RALYL: variants seen among roughly 807,000 people sequenced by gnomAD.
The protein encoded by RALYL is RNA-binding Raly-like protein.
RALYL carries 29 observed loss-of-function variants against 35.1 expected under a neutral mutation model. That is an observed-to-expected ratio of 0.83 (90% CI 0.61 to 1.13). RALYL has a LOEUF of 1.13. Ranked by LOEUF, RALYL falls within the 50% of genes most tolerant of loss-of-function variation. RALYL has a pLI of 0.00. For missense variants in RALYL, 359 were observed against 360.4 expected (o/e 1.00, Z 0.03); for synonymous variants, 120 against 127.6 (o/e 0.94, Z 0.40).
intron 1 of RALYL, among the ~76,000 whole-genome samples, chr8:84,448,495 C>G (rs2049090386): frequency 1.3e-5 from 2 of 151,950 alleles, no homozygotes; most frequent in Admixed American, 1.3e-4. Context: ...TATAGTGCAC[C>G]ACTTATGAAG....
rs143309933 is a variant in RALYL, at chr8:84,654,270, CATATATATATATATATATATATAT to C, written c.257-120288_257-120265del. On this transcript the variant is annotated intron_variant, in intron 2 of 8. Transcript: ENST00000521268. ...CAACGTATATGTATATCTCATGTTC[CATATATATATATATATATATATAT>C]ATATATATATATATATATATCATGT... Among the ~76,000 whole-genome samples the C allele has an allele frequency of 9.7e-4, 43 of 44,532 alleles. No homozygotes were observed. In the East Asian group the frequency reaches 0.015, roughly 16 times the overall value. The allele number at this position is 44,532 out of a possible 152,430, so 29.2% of individuals were successfully genotyped here.
At chr8:84,360,433 G>A (rs1263817386) in intron 1 of RALYL, among the ~76,000 whole-genome samples, 3 of 152,160 alleles carry the variant, frequency 2.0e-5, no homozygotes, top group Admixed American at 1.3e-4. Flanking sequence ...ACATTGAAGT[G>A]TTTAAGAACT....
intron 1 of RALYL, among the ~76,000 whole-genome samples, chr8:84,346,477 C>T (rs918870238): frequency 2.0e-5 from 3 of 151,964 alleles, no homozygotes; most frequent in East Asian, 3.9e-4. Context: ...GTTTCTAATG[C>T]TCTTTTTTTG....
chr8:84,888,015 T>A (rs1031070906), intron 8 of RALYL, among the ~76,000 whole-genome samples: 1 of 152,246 alleles, frequency 6.6e-6, no homozygotes, highest in African/African-American at 2.4e-5. Flanking sequence ...AGATTAGGTA[T>A]ATTTAAAGTC....
At chr8:84,458,822 CATT>C (rs1299177065) in intron 1 of RALYL, among the ~76,000 whole-genome samples, 1 of 151,460 alleles carries the variant, frequency 6.6e-6, no homozygotes, top group African/African-American at 2.4e-5. Context: ...AAATTATAAA[CATT>C]AGTATTGATA....
At chr8:84,608,710 T>G (rs1817676589) in intron 2 of RALYL, among the ~76,000 whole-genome samples, 1 of 152,184 alleles carries the variant, frequency 6.6e-6, no homozygotes, top group Non-Finnish European at 1.5e-5. Context: ...ACAGAGTTTC[T>G]GAATTCTAGC....
intron 2 of RALYL, among the ~76,000 whole-genome samples, chr8:84,690,198 TA>T (rs570184000): frequency 6.6e-6 from 1 of 152,218 alleles, no homozygotes; most frequent in African/African-American, 2.4e-5. Flanking sequence ...TATTGAGCCT[TA>T]AAAAATGGAG....
At chr8:84,722,021 C>T (rs143073752) in intron 2 of RALYL, among the ~76,000 whole-genome samples, 10 of 152,062 alleles carry the variant, frequency 6.6e-5, no homozygotes, top group Admixed American at 3.3e-4. Flanking sequence ...TGTTTCAATA[C>T]GTGGATGTAC....
chr8:84,739,976 G>A (rs903608331), intron 2 of RALYL, among the ~76,000 whole-genome samples: 1 of 151,818 alleles, frequency 6.6e-6, no homozygotes, highest in Non-Finnish European at 1.5e-5. Context: ...GGTGGCTTTA[G>A]CAATAACAAA....
intron 2 of RALYL, among the ~76,000 whole-genome samples, chr8:84,671,550 A>G (rs1192315167): frequency 6.6e-6 from 1 of 152,166 alleles, no homozygotes; most frequent in Non-Finnish European, 1.5e-5. Flanking sequence ...ATCTAGGCAG[A>G]GGCTCCCAAA....
intron 1 of RALYL, among the ~76,000 whole-genome samples, chr8:84,191,954 G>T (rs989173832): frequency 2.0e-5 from 3 of 151,796 alleles, no homozygotes; most frequent in Non-Finnish European, 2.9e-5. Flanking sequence ...TGATCAACAA[G>T]TGATAAAATA....
At chr8:84,454,217 A>G (rs1395155099) in intron 1 of RALYL, among the ~76,000 whole-genome samples, 1 of 152,040 alleles carries the variant, frequency 6.6e-6, no homozygotes, top group African/African-American at 2.4e-5. Flanking sequence ...TAGCTAGAGC[A>G]GAGTCAGAGT....
intron 2 of RALYL, among the ~76,000 whole-genome samples, chr8:84,638,280 C>T (rs938992551): frequency 2.6e-5 from 4 of 151,818 alleles, no homozygotes; most frequent in African/African-American, 9.7e-5. Context: ...AGTGACACAA[C>T]CTATCAAAAC....
chr8:84,486,611 A>G (rs1220577401), intron 1 of RALYL, among the ~76,000 whole-genome samples: 1 of 151,954 alleles, frequency 6.6e-6, no homozygotes, highest in Non-Finnish European at 1.5e-5. Context: ...ATCAAATAAG[A>G]GATACACAAA....
intron 1 of RALYL, among the ~76,000 whole-genome samples, chr8:84,421,911 G>T (rs1000043786): frequency 2.1e-4 from 31 of 150,740 alleles, no homozygotes; most frequent in Non-Finnish European, 3.6e-4. Context: ...CTTGATCATG[G>T]TGGATAAGCT....
At chr8:84,584,808 A>T (rs1211486675) in intron 2 of RALYL, among the ~76,000 whole-genome samples, 2 of 152,208 alleles carry the variant, frequency 1.3e-5, no homozygotes, top group South Asian at 2.1e-4. Context: ...TGAGAAAAAA[A>T]GAAAATGAAA....
chr8:84,844,276 AAAAC>A (rs1320823423), intron 4 of RALYL, among the ~76,000 whole-genome samples: 2 of 152,248 alleles, frequency 1.3e-5, no homozygotes, highest in African/African-American at 2.4e-5. Flanking sequence ...TTACAAGAAA[AAAAC>A]AAACAACCTC....
At chr8:84,269,295 G>C (rs904870431) in intron 1 of RALYL, among the ~76,000 whole-genome samples, 1 of 152,094 alleles carries the variant, frequency 6.6e-6, no homozygotes, top group Non-Finnish European at 1.5e-5. Flanking sequence ...GGCCACTAGT[G>C]CCATGGCACA....
At chr8:84,549,767 T>A (rs1290902750) in intron 2 of RALYL, among the ~76,000 whole-genome samples, 1 of 152,162 alleles carries the variant, frequency 6.6e-6, no homozygotes, top group Non-Finnish European at 1.5e-5. Flanking sequence ...GGAGGGCAGC[T>A]TTCCCCCAGG....
Sources: allele counts gnomAD v4.1 joint callset (sites outside exome capture counted in the v4.1 genomes callset), GRCh38; gene constraint gnomAD v4.1.1; transcripts MANE v1.5; gene names NCBI Gene and HGNC (gene_info 2026-07-23, HGNC 2026-07-21).